The following YBX1 variants were observed in gnomAD, a reference collection of about 807,000 sequenced individuals.
YBX1 encodes Y-box-binding protein 1.
YBX1 carries 3 observed loss-of-function variants against 41.4 expected under a neutral mutation model. The observed-to-expected ratio is 0.07, with a 90% CI of 0.03 to 0.19. The LOEUF (loss-of-function observed/expected upper bound fraction) is 0.19. YBX1 is among the 10% of genes least tolerant of loss of function. The pLI is 1.00. For missense variants in YBX1, 274 were observed against 462.8 expected, an observed-to-expected ratio of 0.59 and a Z score of 3.74; for synonymous variants, 133 against 165.8, an observed-to-expected ratio of 0.80 and a Z score of 1.52.
chr1:42,697,760 A>G (rs1378669531), intron 6 of YBX1, among the ~76,000 whole-genome samples: 1 of 152,150 alleles, frequency 6.6e-6, no homozygotes, highest in Non-Finnish European at 1.5e-5. Context: ...GGGGAAATCC[A>G]GTCTGTCGTT....
Position 42,696,577 on chromosome 1 carries a change from CTTTTGAAAG to C in YBX1, c.355-63_355-55del, listed in dbSNP as rs940060345. 9.0e-6 allele frequency: 9 copies of C among 1,001,644 alleles called. No individual in the cohort carries two copies. The highest frequency in any genetic ancestry group is 5.1e-5 in the South Asian group (2 of 39,400). 62.0% of individuals were successfully genotyped at this position (1,001,644 alleles called of 1,614,324 possible). A position where few individuals can be genotyped will look rare whatever the true frequency, so the allele number is the denominator to read the frequency against. On this transcript the variant is annotated intron_variant, in intron 4 of 7. Coordinates refer to ENST00000321358, the MANE Select transcript of YBX1 (RefSeq NM_004559.5). This position sits in a 1 kb window ranked among gnomAD's most constrained non-coding sequence, Gnocchi z 5.7. ...CTTTGTTTGAAAATGTTCTGATTTC[CTTTTGAAAG>C]TGTTGAAAGTGTTCTGATTTCCTTT...
intron 2 of YBX1, among the ~76,000 whole-genome samples, chr1:42,689,610 A>AG (rs558854566): frequency 2.0e-5 from 3 of 152,104 alleles, no homozygotes; most frequent in East Asian, 1.9e-4. Flanking sequence ...AAGGAGTGGG[A>AG]GGGGGGTCAA....
intron 2 of YBX1, among the ~76,000 whole-genome samples, chr1:42,689,957 A>G (rs143231480): frequency 1.8e-3 from 278 of 152,304 alleles, no homozygotes; most frequent in African/African-American, 6.2e-3. Context: ...TACCTTAGTA[A>G]TGTAAGTTAT....
chr1:42,691,282 ATATC>A lies in YBX1; in HGVS notation c.231-2200_231-2197del, dbSNP rs1650321528. ...GGTCAGTGAACTGTGTTAGTTTCAC[ATATC>A]TATCTATGTACCCACAAAACACCTC... On this transcript the variant is annotated intron_variant, in intron 2 of 7. Coordinates refer to ENST00000321358, the MANE Select transcript of YBX1 (RefSeq NM_004559.5). Among the ~76,000 whole-genome samples, 3 of 152,276 alleles carry A rather than the reference ATATC, an allele frequency of 2.0e-5. No homozygotes were observed. The South Asian group carries it at 6.2e-4, about 32-fold the overall frequency.
chr1:42,696,979 G>C lies in YBX1; in HGVS notation c.657+35G>C, dbSNP rs1486737067. On this transcript the variant is annotated intron_variant, in intron 5 of 7. Transcript: ENST00000321358. This position sits in a 1 kb window ranked among gnomAD's most constrained non-coding sequence, Gnocchi z 5.7. ...ACCATCAACAACAGCAATGTGATAA[G>C]TTCTGGTAGGACTGTTTAGAGCTGT... is the stretch of plus-strand genomic sequence containing the variant. 2 of 1,528,942 alleles carry C rather than the reference G, an allele frequency of 1.3e-6. No individual in the cohort carries two copies. The highest frequency in any genetic ancestry group is 2.1e-5 in the Admixed American group (1 of 46,568). 94.7% of individuals were successfully genotyped at this position (1,528,942 alleles called of 1,614,324 possible). A position where few individuals can be genotyped will look rare whatever the true frequency, so the allele number is the denominator to read the frequency against.
rs1650657029 is a variant in YBX1 at position 42,703,412 on chromosome 1, C to T, written c.*1463C>T. ...GTGGCACATCAGGAATCCTGCAGTG[C>T]TGTGGAAGTCATCTCCTGCTTGGGA... On this transcript the variant is annotated 3_prime_UTR_variant, in exon 8 of 8. Transcript: ENST00000321358. Among the ~76,000 whole-genome samples the T allele has an allele frequency of 6.6e-6, 1 of 151,960 alleles. No homozygotes were observed. Among genetic ancestry groups the T allele is most frequent in the Admixed American group, 6.6e-5 (1 of 15,262 alleles).
rs1650656447 is a variant in YBX1 at position 42,703,384 on chromosome 1, A to T, written c.*1435A>T. ...AGACAGTAGGGGTCGGGAGTAGGCCAGAGTGGCACATCAGGAATCCTGCAG... is the reference window on the plus strand; with the variant it reads ...AGACAGTAGGGGTCGGGAGTAGGCCTGAGTGGCACATCAGGAATCCTGCAG... On this transcript the variant is annotated 3_prime_UTR_variant, in exon 8 of 8. Coordinates refer to ENST00000321358, the MANE Select transcript of YBX1 (RefSeq NM_004559.5). Among the ~76,000 whole-genome samples, 1 of 152,098 alleles carries T rather than the reference A, an allele frequency of 6.6e-6. No individual in the cohort carries two copies. Among genetic ancestry groups the T allele is most frequent in the East Asian group, 1.9e-4 (1 of 5,182 alleles).
At chr1:42,684,403 G>T (rs936634957) in intron 2 of YBX1, among the ~76,000 whole-genome samples, 1 of 152,200 alleles carries the variant, frequency 6.6e-6, no homozygotes, top group Non-Finnish European at 1.5e-5. Flanking sequence ...GGCCTCACAG[G>T]TATGGTACTT....
chr1:42,700,618 C>A (rs894846041), intron 6 of YBX1, among the ~76,000 whole-genome samples, 163 bp from the exon 7 acceptor site: 11 of 132,818 alleles, frequency 8.3e-5, no homozygotes, highest in East Asian at 4.5e-4. Context: ...ATCCCCCCCC[C>A]CCCAAAAAAA....
At chr1:42,697,827 G>C (rs1650498733) in intron 6 of YBX1, among the ~76,000 whole-genome samples, 1 of 152,088 alleles carries the variant, frequency 6.6e-6, no homozygotes, top group African/African-American at 2.4e-5. Context: ...GTCATTATTA[G>C]AGTAATCGAG....
At chr1:42,692,381 A>G (rs1215574047) in intron 2 of YBX1, among the ~76,000 whole-genome samples, 1 of 152,120 alleles carries the variant, frequency 6.6e-6, no homozygotes, top group East Asian at 1.9e-4. Context: ...AGGCAATCCT[A>G]ATCATCTAGC....
intron 3 of YBX1, among the ~76,000 whole-genome samples, chr1:42,694,626 G>GAT (rs1265033716): frequency 6.6e-6 from 1 of 152,184 alleles, no homozygotes; most frequent in Non-Finnish European, 1.5e-5. Context: ...CACAGTATTT[G>GAT]ATGACAAGGA....
At chr1:42,685,967 G>C (rs902091650) in intron 2 of YBX1, among the ~76,000 whole-genome samples, 1 of 152,198 alleles carries the variant, frequency 6.6e-6, no homozygotes, top group African/African-American at 2.4e-5. Flanking sequence ...TATTTTGTTA[G>C]ACTGTGTAAT....
intron 2 of YBX1, among the ~76,000 whole-genome samples, chr1:42,685,386 TA>T (rs1650169943): frequency 6.6e-6 from 1 of 152,242 alleles, no homozygotes; most frequent in African/African-American, 2.4e-5. Flanking sequence ...ATTAACTGGT[TA>T]AAATGTTCTT....
intron 6 of YBX1, among the ~76,000 whole-genome samples, chr1:42,699,340 G>A (rs1650539075): frequency 6.6e-6 from 1 of 152,194 alleles, no homozygotes; most frequent in Non-Finnish European, 1.5e-5. Flanking sequence ...GAACCCTCTA[G>A]AACAGAAAAT....
chr1:42,691,245 TGTCATGACACTG>T (rs1650320941), intron 2 of YBX1, among the ~76,000 whole-genome samples: 1 of 152,262 alleles, frequency 6.6e-6, no homozygotes, highest in Non-Finnish European at 1.5e-5. Flanking sequence ...CTGTTTTTAC[TGTCATGACACTG>T]GTCAGTGAAC....
At chr1:42,700,611 C>A (rs1650571538) in intron 6 of YBX1, among the ~76,000 whole-genome samples, 170 bp from the exon 7 acceptor site, 1 of 83,624 alleles carries the variant, frequency 1.2e-5, no homozygotes, top group Non-Finnish European at 2.5e-5. Flanking sequence ...ACTCAGCATC[C>A]CCCCCCCCCC....
intron 2 of YBX1, among the ~76,000 whole-genome samples, chr1:42,689,498 G>A (rs1483411769): frequency 6.6e-6 from 1 of 152,156 alleles, no homozygotes; most frequent in African/African-American, 2.4e-5. Context: ...TGTATAATAA[G>A]TCTTATTTAA....
chr1:42,690,427 A>G (rs867744865), intron 2 of YBX1, among the ~76,000 whole-genome samples: 30 of 152,216 alleles, frequency 2.0e-4, no homozygotes, highest in Admixed American at 1.2e-3. Flanking sequence ...AACCCAATGA[A>G]TAAGATTCAC....
Sources: gnomAD v4.1 joint callset for allele counts (sites outside exome capture counted in the v4.1 genomes callset) on GRCh38, gnomAD v4.1.1 for gene constraint, Gnocchi (gnomAD v3.1) non-coding constraint, MANE v1.5 for transcripts, NCBI Gene and HGNC (gene_info 2026-07-23, HGNC 2026-07-21) for gene names.